The following RYR3 variants were observed in gnomAD, a reference collection of about 807,000 sequenced individuals.
RYR3 encodes ryanodine receptor 3, also known as brain ryanodine receptor-calcium release channel.
In RYR3, 207 loss-of-function variants were observed where a neutral mutation model predicts 584.3. The observed-to-expected ratio is 0.35, with a 90% confidence interval of 0.32 to 0.40. The LOEUF is 0.40. RYR3 is among the 10% of genes least tolerant of loss of function. The probability of loss-of-function intolerance (pLI) is 1.00; values close to 1 mark genes in which losing one functional copy is unlikely to be tolerated. For missense variants in RYR3, 5,616 were observed against 6,089.2 expected (o/e 0.92, Z 2.59); for synonymous variants, 2,416 against 2,248.5 (o/e 1.07, Z -2.11).
intron 1 of RYR3, among the ~76,000 whole-genome samples, chr15:33,332,311 CA>C (rs1970458864): frequency 6.6e-6 from 1 of 152,038 alleles, no homozygotes. Context: ...GTTTAATTGG[CA>C]TGCGTCTGAA....
intron 2 of RYR3, among the ~76,000 whole-genome samples, chr15:33,492,327 T>G (rs1017795452): frequency 7.2e-5 from 11 of 152,108 alleles, no homozygotes; most frequent in Admixed American, 5.2e-4. Flanking sequence ...TGGAGAAAAA[T>G]ATTTATAACA....
chr15:33,450,100 A>AAAAAAAG, intron 1 of RYR3, among the ~76,000 whole-genome samples: 1 of 149,306 alleles, frequency 6.7e-6, no homozygotes, highest in Non-Finnish European at 1.5e-5. Context: ...AAAAAAAAAA[A>AAAAAAAG]AAAAAAAAAA....
Position 33,553,128 on chromosome 15 carries a change from A to G in RYR3, c.972+2812A>G, listed in dbSNP as rs527358340. Among the ~76,000 whole-genome samples the G allele has an allele frequency of 2.0e-4, 30 of 152,130 alleles. No homozygotes were observed. In the East Asian group the frequency reaches 2.7e-3, roughly 14 times the overall value. ...TGGTGGAGACAGTCATCTGTTTTCTATGGGACTGGGGCAGAGGGCGAGGAA... is the reference window on the plus strand; with the variant it reads ...TGGTGGAGACAGTCATCTGTTTTCTGTGGGACTGGGGCAGAGGGCGAGGAA... On this transcript the variant is annotated intron_variant, in intron 10 of 103. Coordinates refer to ENST00000634891, the MANE Select transcript of RYR3 (RefSeq NM_001036.6).
intron 90 of RYR3, 77 bp from the exon 91 acceptor site, chr15:33,841,785 TTC>T: frequency 7.0e-7 from 1 of 1,428,328 alleles, no homozygotes. Context: ...CAATCCAGAT[TTC>T]TCTTTAATCT....
At chr15:33,770,643 G>A (rs1041449345) in intron 62 of RYR3, among the ~76,000 whole-genome samples, 1 of 152,042 alleles carries the variant, frequency 6.6e-6, no homozygotes, top group East Asian at 1.9e-4. Flanking sequence ...CCAGCTACTC[G>A]GGAGGCTGAG....
chr15:33,355,477 G>T lies in RYR3; in HGVS notation c.51+44381G>T, dbSNP rs1219566710. Among the ~76,000 whole-genome samples the T allele has an allele frequency of 3.3e-5, 5 of 152,126 alleles. No homozygotes were observed. In the East Asian group the frequency reaches 9.6e-4, roughly 29 times the overall value. On this transcript the variant is annotated intron_variant, in intron 1 of 103. Coordinates refer to ENST00000634891, the MANE Select transcript of RYR3 (RefSeq NM_001036.6). ...CTACTGTACATGTAAGGAAACTGAG[G>T]TTGAAAAACTTTAAGGTGTTTGTGA...
chr15:33,853,027 T>C lies in RYR3; in HGVS notation c.13629-18T>C. ...ATGTTAAGAATGAAGAACCAACCTT[T>C]TTCGTTTTGTTTTTCAGATCTTTTC... On this transcript the variant is annotated intron_variant, in intron 94 of 103. Coordinates refer to ENST00000634891, the MANE Select transcript of RYR3 (RefSeq NM_001036.6). The C allele has an allele frequency of 6.3e-7, 1 of 1,599,740 alleles. No homozygotes were observed. The highest frequency in any genetic ancestry group is 1.1e-5 in the South Asian group (1 of 88,186).
At chr15:33,323,231 C>G (rs1969233528) in intron 1 of RYR3, among the ~76,000 whole-genome samples, 1 of 152,092 alleles carries the variant, frequency 6.6e-6, no homozygotes, top group Admixed American at 6.5e-5. Flanking sequence ...CCTGCCTCAG[C>G]CTCCCGAGTA....
intron 43 of RYR3, among the ~76,000 whole-genome samples, chr15:33,710,468 C>T (rs534746674): frequency 7.2e-4 from 109 of 151,740 alleles, no homozygotes; most frequent in Non-Finnish European, 1.0e-3. Flanking sequence ...CTCAGCCTTC[C>T]GAGCAGCTGG....
Position 33,848,363 on chromosome 15 carries a change from G to A in RYR3, c.13570G>A (p.Glu4524Lys), listed in dbSNP as rs533061407. The A allele has an allele frequency of 9.9e-6, 16 of 1,613,710 alleles. No homozygotes were observed. Among genetic ancestry groups the A allele is most frequent in the Middle Eastern group, 1.7e-4 (1 of 5,916 alleles). The change falls in exon 94 of 104, where the codon GAA becomes AAA. Residue 4524 changes from glutamate (E) to lysine (K), a missense_variant. By Grantham distance (56) the Glu-to-Lys change is moderately conservative. Around this residue, in one of 9 missense-constraint regions of RYR3, gnomAD observed 918 missense variants for 887.4 expected, o/e 1.03. Transcript: ENST00000634891. ...GGAGTTTGATGGCCTATATATCACC[G>A]AACAGCCATCTGAAGATGACATCAA... ...KLEFDGLYIT[E>K]QPSEDDIKGQ...
intron 12 of RYR3, among the ~76,000 whole-genome samples, chr15:33,573,517 A>G (rs908136069): frequency 1.3e-5 from 2 of 152,242 alleles, no homozygotes; most frequent in African/African-American, 4.8e-5. Flanking sequence ...TAGAATGAAC[A>G]GTGTGATCGA....
chr15:33,803,294 T>C lies in RYR3; in HGVS notation c.10011+1333T>C, dbSNP rs934747338. Reference sequence around the variant, plus strand: ...TGCTGCAAAGGTATCCTTTGTGCTTTAGTTTTATTTGATTTTTCAGAATTC... The same window carrying C: ...TGCTGCAAAGGTATCCTTTGTGCTTCAGTTTTATTTGATTTTTCAGAATTC... On this transcript the variant is annotated intron_variant, in intron 69 of 103. Transcript: ENST00000634891. 3.9e-5 allele frequency among the ~76,000 whole-genome samples: 6 copies of C among 152,224 alleles called. No homozygotes were observed. In the East Asian group the frequency reaches 1.2e-3, roughly 29 times the overall value.
chr15:33,824,147 C>G (rs527623906), intron 81 of RYR3, among the ~76,000 whole-genome samples: 1 of 152,262 alleles, frequency 6.6e-6, no homozygotes, highest in East Asian at 1.9e-4. Flanking sequence ...CAAGGCAACT[C>G]AATTCCATAT....
chr15:33,818,535 G>T (rs1281804172), intron 75 of RYR3, 43 bp from the exon 76 acceptor site: 1 of 1,456,902 alleles, frequency 6.9e-7, no homozygotes, highest in South Asian at 1.2e-5. Context: ...CGTGGCACGA[G>T]ATTAAATTCA....
At position 33,864,185 on chromosome 15, in the gene RYR3, G is replaced by C; in HGVS notation, c.14513G>C (p.Gly4838Ala). The C allele has an allele frequency of 6.2e-7, 1 of 1,610,620 alleles. No homozygotes were observed. The highest frequency in any genetic ancestry group is 8.5e-7 in the Non-Finnish European group (1 of 1,177,996). ...LINKDETEHT[G>A]QESYVWKMYQ... ...AATAAAGATGAAACAGAGCACACGG[G>C]TCAGGTGAGAAATTAAGAATCATAT... Residue 4838 changes from glycine to alanine, a missense_variant, in exon 103 of 104, where the codon GGT becomes GCT. Gly to Ala is a moderately conservative substitution (Grantham distance 60). This residue lies in a region of RYR3 where 918 missense variants were observed against 887.4 expected (regional missense o/e 1.03). Coordinates refer to ENST00000634891, the MANE Select transcript of RYR3 (RefSeq NM_001036.6).
At chr15:33,703,356 C>T (rs978061713) in intron 42 of RYR3, among the ~76,000 whole-genome samples, 9 of 152,136 alleles carry the variant, frequency 5.9e-5, no homozygotes, top group Non-Finnish European at 1.2e-4. Context: ...GTGACATAAA[C>T]ATCGGAAATT....
chr15:33,837,877 C>T lies in RYR3; in HGVS notation c.11897C>T (p.Ala3966Val). Residue 3966 changes from alanine (A) to valine (V), a missense_variant, in exon 89 of 104, where the codon GCA becomes GTA. Physicochemically the swap from Ala to Val is moderately conservative, Grantham distance 64 (BLOSUM62 0). Coordinates refer to ENST00000634891, the MANE Select transcript of RYR3 (RefSeq NM_001036.6). ...QSEIDFLLSC[A>V]EADENDMFNY... is the part of the protein sequence containing the mutation. ...GAGATTGACTTTCTCCTGTCGTGTG[C>T]AGAAGCTGATGAGAATGACATGTTT... is the stretch of plus-strand genomic sequence containing the variant. The T allele has an allele frequency of 1.9e-6, 3 of 1,613,966 alleles. No individual in the cohort carries two copies. Among genetic ancestry groups the T allele is most frequent in the Non-Finnish European group, 2.5e-6 (3 of 1,179,886 alleles).
chr15:33,662,026 A>G (rs16957279), intron 34 of RYR3, 127 bp from the exon 35 acceptor site: 255,371 of 686,916 alleles, frequency 0.37, 50,708 homozygotes, highest in East Asian at 0.57. Context: ...GATAAGCCAT[A>G]AGAGAAACTG....
intron 1 of RYR3, among the ~76,000 whole-genome samples, chr15:33,435,857 G>C (rs775522476): frequency 6.6e-6 from 1 of 152,176 alleles, no homozygotes; most frequent in Non-Finnish European, 1.5e-5. Context: ...CTTCCACAGC[G>C]TGGCAAGGAA....
Sources: allele counts gnomAD v4.1 joint callset (sites outside exome capture counted in the v4.1 genomes callset), GRCh38; gene constraint gnomAD v4.1.1; regional missense constraint gnomAD v4.1.1; transcripts MANE v1.5; gene names NCBI Gene and HGNC (gene_info 2026-07-23, HGNC 2026-07-21).